The following NUP93 variants were observed in gnomAD, a reference collection of about 807,000 sequenced individuals.
NUP93 encodes the protein nuclear pore complex protein Nup93.
NUP93 carries 55 observed loss-of-function variants against 107.8 expected under a neutral mutation model. The observed-to-expected ratio is 0.51, with a 90% CI of 0.41 to 0.64. The LOEUF is 0.64. Among genes scored for constraint, NUP93 ranks in the 30% least tolerant of loss-of-function variants. The pLI is 0.00. For synonymous variants in NUP93, 390 were observed against 397.5 expected (o/e 0.98, Z 0.22); for missense variants, 937 against 1,044.7 (o/e 0.90, Z 1.42).
At position 56,801,514 on chromosome 16, in the gene NUP93, G is replaced by A. The variant is rs2144563985; in HGVS notation, c.360+2976G>A. On this transcript the variant is annotated intron_variant, in intron 4 of 21. Coordinates refer to ENST00000308159, the MANE Select transcript of NUP93 (RefSeq NM_014669.5). ...CGCAACCTCCATCTCCAGGGTTCAA[G>A]TGATTCTCCTGCCTCAGCCATCCGA... Among the ~76,000 whole-genome samples the A allele has an allele frequency of 1.3e-5, 2 of 152,264 alleles. 1 individual carries two copies. Among genetic ancestry groups the A allele is most frequent in the South Asian group, 4.2e-4 (2 of 4,818 alleles).
At chr16:56,783,072 A>G (rs1962547965) in intron 3 of NUP93, among the ~76,000 whole-genome samples, 1 of 152,254 alleles carries the variant, frequency 6.6e-6, no homozygotes, top group Non-Finnish European at 1.5e-5. Flanking sequence ...CTTGATTAAT[A>G]TCAAAGATAC....
intron 3 of NUP93, chr16:56,783,466 A>G: frequency 2.0e-6 from 2 of 985,378 alleles, no homozygotes; most frequent in East Asian, 1.1e-4. Flanking sequence ...ATTGCAAAGA[A>G]TCGATTTCTG....
chr16:56,774,244 A>C (rs1962372264), intron 3 of NUP93, among the ~76,000 whole-genome samples: 1 of 152,222 alleles, frequency 6.6e-6, no homozygotes. Context: ...GGACTATGCC[A>C]AAAGGAGGCC....
At chr16:56,822,564 C>CTTTTTTTTTTTTTTTTTTTT (rs56395453) in intron 7 of NUP93, among the ~76,000 whole-genome samples, 1 of 126,956 alleles carries the variant, frequency 7.9e-6, no homozygotes, top group Non-Finnish European at 1.6e-5. Flanking sequence ...CTTTTCTTTT[C>CTTTTTTTTTTTTTTTTTTTT]TTTTTTTTTT....
At chr16:56,834,836 C>CA in intron 16 of NUP93, 58 bp downstream of exon 16, 3 of 1,278,376 alleles carry the variant, frequency 2.3e-6, no homozygotes, top group South Asian at 1.3e-5. Flanking sequence ...TTATAAATAT[C>CA]AAAAAATACA....
chr16:56,790,920 C>T (rs1415627214), intron 3 of NUP93, among the ~76,000 whole-genome samples: 1 of 152,074 alleles, frequency 6.6e-6, no homozygotes, highest in Non-Finnish European at 1.5e-5. Context: ...CTAGCTGTTG[C>T]TTGTGTCTTA....
intron 3 of NUP93, among the ~76,000 whole-genome samples, chr16:56,760,709 AC>A (rs1567378936): frequency 1.3e-5 from 2 of 152,190 alleles, no homozygotes; most frequent in South Asian, 2.1e-4. Flanking sequence ...ACCAGGCCCC[AC>A]CCCCAACACT....
At chr16:56,834,030 G>A (rs1963857530) in intron 13 of NUP93, 98 bp from the exon 14 acceptor site, 4 of 1,543,856 alleles carry the variant, frequency 2.6e-6, no homozygotes, top group Middle Eastern at 4.0e-4. Flanking sequence ...TGCAGGAGTA[G>A]ATGCTGCTGG....
chr16:56,826,915 G>T (rs1963674195), intron 8 of NUP93, among the ~76,000 whole-genome samples: 1 of 151,512 alleles, frequency 6.6e-6, no homozygotes, highest in Non-Finnish European at 1.5e-5. Flanking sequence ...GCATGATGGT[G>T]CACACCTGTA....
intron 1 of NUP93, among the ~76,000 whole-genome samples, chr16:56,742,083 T>C (rs2144445202): frequency 6.6e-6 from 1 of 152,380 alleles, no homozygotes; most frequent in East Asian, 1.9e-4. Context: ...TTTAATATGT[T>C]GCATTATACT....
intron 1 of NUP93, among the ~76,000 whole-genome samples, chr16:56,745,115 A>G (rs1303464054): frequency 6.6e-6 from 1 of 152,136 alleles, no homozygotes; most frequent in East Asian, 1.9e-4. Context: ...GGTGGCTTGT[A>G]TTTTTAAATA....
At chr16:56,734,686 G>A (rs1961584466) in intron 1 of NUP93, among the ~76,000 whole-genome samples, 1 of 152,162 alleles carries the variant, frequency 6.6e-6, no homozygotes, top group Admixed American at 6.5e-5. Context: ...CAAAAAGTGG[G>A]TCTGACTCAT....
chr16:56,802,299 C>A (rs1243969808), intron 4 of NUP93, among the ~76,000 whole-genome samples: 1 of 140,994 alleles, frequency 7.1e-6, no homozygotes, highest in Non-Finnish European at 1.6e-5. Context: ...ATTATCTCTT[C>A]CCCCCCACCC....
At chr16:56,816,031 A>G (rs146912014) in intron 5 of NUP93, among the ~76,000 whole-genome samples, 8 of 152,342 alleles carry the variant, frequency 5.3e-5, no homozygotes, top group African/African-American at 1.9e-4. Flanking sequence ...AGGATAGAGC[A>G]GTAGCAAAGA....
At chr16:56,740,419 C>CA (rs1284169530) in intron 1 of NUP93, among the ~76,000 whole-genome samples, 6 of 151,640 alleles carry the variant, frequency 4.0e-5, no homozygotes, top group Non-Finnish European at 5.9e-5. Context: ...CCCCACATCT[C>CA]AGAGGATGGG....
At chr16:56,789,081 G>A (rs1474018717) in intron 3 of NUP93, among the ~76,000 whole-genome samples, 1 of 152,084 alleles carries the variant, frequency 6.6e-6, no homozygotes, top group Non-Finnish European at 1.5e-5. Context: ...AAGGCATTTG[G>A]ATAGACTTAC....
chr16:56,740,787 G>A (rs1484698455), intron 1 of NUP93: 7 of 158,120 alleles, frequency 4.4e-5, no homozygotes, highest in African/African-American at 1.7e-4. Flanking sequence ...ACCTCGGGAG[G>A]CCGAGGTTGG....
chr16:56,805,650 G>A lies in NUP93; in HGVS notation c.489+18G>A, dbSNP rs1963122114. 6.2e-7 allele frequency: 1 copy of A among 1,608,912 alleles called. No individual in the cohort carries two copies. Among genetic ancestry groups the A allele is most frequent in the Admixed American group, 1.7e-5 (1 of 59,542 alleles). The stretch of plus-strand genomic sequence containing the variant: ...AAAGCGAGGTAGCTTGAATGCAAAA[G>A]ATAAACTACTGTTAATAAAAACATG... On this transcript the variant is annotated intron_variant, in intron 5 of 21. Coordinates refer to ENST00000308159, the MANE Select transcript of NUP93 (RefSeq NM_014669.5).
At chr16:56,805,806 T>A in intron 5 of NUP93, 174 bp downstream of exon 5, 1 of 653,514 alleles carries the variant, frequency 1.5e-6, no homozygotes, top group Non-Finnish European at 2.6e-6. Flanking sequence ...CATGTCTGCC[T>A]GCTTCGTCTC....
Sources: allele counts gnomAD v4.1 joint callset (sites outside exome capture counted in the v4.1 genomes callset), GRCh38; gene constraint gnomAD v4.1.1; transcripts MANE v1.5; gene names NCBI Gene and HGNC (gene_info 2026-07-23, HGNC 2026-07-21).